Variants in RBM33 observed in about 807,000 individuals in gnomAD.
The protein encoded by RBM33 is RNA binding motif protein 33.
Under a neutral mutation model 132.6 loss-of-function variants are expected in RBM33, and 28 were observed. The ratio of observed to expected loss-of-function variants is 0.21; its 90% CI spans 0.16 to 0.29. The LOEUF (loss-of-function observed/expected upper bound fraction) is 0.29. RBM33 is among the 10% of genes least tolerant of loss of function. The pLI is 1.00. For synonymous variants in RBM33, 634 were observed against 593.0 expected (o/e 1.07, Z -1.01); for missense variants, 1,291 against 1,518.5 (o/e 0.85, Z 2.49).
At chr7:155,686,050 T>TTG (rs1799468920) in intron 5 of RBM33, among the ~76,000 whole-genome samples, 1 of 152,156 alleles carries the variant, frequency 6.6e-6, no homozygotes, top group Admixed American at 6.6e-5. Context: ...AAATTTGATT[T>TTG]TGTGTGTGTG....
At chr7:155,665,830 G>A (rs1008766778) in intron 2 of RBM33, among the ~76,000 whole-genome samples, 9 of 152,198 alleles carry the variant, frequency 5.9e-5, no homozygotes, top group African/African-American at 2.2e-4. Flanking sequence ...TTAGAGATGT[G>A]TTCTGGGAGA....
At chr7:155,716,313 G>T (rs542020704) in intron 8 of RBM33, among the ~76,000 whole-genome samples, 2 of 44,792 alleles carry the variant, frequency 4.5e-5, no homozygotes, top group African/African-American at 1.3e-4. Context: ...TTCCTTTTCT[G>T]CTGTTTTTTT....
intron 13 of RBM33, among the ~76,000 whole-genome samples, chr7:155,742,550 C>A (rs1233134152): frequency 6.6e-6 from 1 of 152,172 alleles, no homozygotes; most frequent in East Asian, 1.9e-4. Context: ...CCGGACTCAG[C>A]CTGTGGGGTG....
At position 155,772,985 on chromosome 7, in the gene RBM33, C is replaced by A. The variant is rs193161931; in HGVS notation, c.3376-1574C>A. 1.4e-3 allele frequency among the ~76,000 whole-genome samples: 211 copies of A among 152,344 alleles called. 4 individuals carry two copies. The highest frequency in any genetic ancestry group is 4.8e-3 in the African/African-American group (201 of 41,578). ...AAATGGAGAGCAGTTATTTCATATA[C>A]AGTGTAACTTTTTAAAACACTTTCC... is the stretch of plus-strand genomic sequence containing the variant. On this transcript the variant is annotated intron_variant, in intron 16 of 17. Transcript: ENST00000401878.
chr7:155,730,202 G>A (rs1026162043), intron 9 of RBM33, among the ~76,000 whole-genome samples: 3 of 152,228 alleles, frequency 2.0e-5, no homozygotes, highest in African/African-American at 7.2e-5. Flanking sequence ...GCAGAGAGAA[G>A]TGGAAGTGGA....
intron 5 of RBM33, among the ~76,000 whole-genome samples, chr7:155,699,875 A>G (rs1385946427): frequency 6.6e-6 from 1 of 152,222 alleles, no homozygotes; most frequent in Admixed American, 6.5e-5. Flanking sequence ...ACATATTACA[A>G]ATCATGAGAC....
At chr7:155,646,436 TG>T (rs1441726669) in intron 1 of RBM33, among the ~76,000 whole-genome samples, 1 of 152,252 alleles carries the variant, frequency 6.6e-6, no homozygotes, top group African/African-American at 2.4e-5. Context: ...CCTTCCATTT[TG>T]TCACAAGTGC....
At chr7:155,702,225 T>A (rs1799986540) in intron 6 of RBM33, among the ~76,000 whole-genome samples, 1 of 152,222 alleles carries the variant, frequency 6.6e-6, no homozygotes, top group East Asian at 1.9e-4. Context: ...AGCCTGTATC[T>A]TTAAGTAGCA....
intron 3 of RBM33, among the ~76,000 whole-genome samples, chr7:155,675,551 G>A (rs1799159721): frequency 6.6e-6 from 1 of 152,030 alleles, no homozygotes; most frequent in African/African-American, 2.4e-5. Flanking sequence ...CACAAAAGAG[G>A]AGAGGGCAGT....
intron 5 of RBM33, among the ~76,000 whole-genome samples, chr7:155,682,056 G>A (rs57602095): frequency 0.025 from 3,767 of 152,050 alleles, 145 homozygotes; most frequent in African/African-American, 0.085. Context: ...GAGTAGCTGA[G>A]ATTACAGGCG....
intron 7 of RBM33, among the ~76,000 whole-genome samples, chr7:155,710,797 A>T (rs1476640635): frequency 6.6e-6 from 1 of 152,058 alleles, no homozygotes; most frequent in Non-Finnish European, 1.5e-5. Context: ...CTTGCTTACC[A>T]GAGTTCCTGG....
chr7:155,701,003 A>C, intron 6 of RBM33, 59 bp downstream of exon 6: 1 of 1,386,680 alleles, frequency 7.2e-7, no homozygotes, highest in Non-Finnish European at 1.0e-6. Flanking sequence ...CCTCCATAGT[A>C]TTGCTGTAAT....
At chr7:155,722,876 T>C (rs1800668658) in intron 9 of RBM33, among the ~76,000 whole-genome samples, 1 of 152,226 alleles carries the variant, frequency 6.6e-6, no homozygotes, top group Admixed American at 6.5e-5. Context: ...TACATTGGTG[T>C]TTCGGGCAAA....
At chr7:155,686,586 C>T (rs1047851364) in intron 5 of RBM33, among the ~76,000 whole-genome samples, 2 of 151,764 alleles carry the variant, frequency 1.3e-5, no homozygotes, top group Non-Finnish European at 2.9e-5. Context: ...CCCATTAACT[C>T]GTCGTTTACA....
At chr7:155,658,632 C>T (rs1384267816) in intron 1 of RBM33, among the ~76,000 whole-genome samples, 1 of 152,134 alleles carries the variant, frequency 6.6e-6, no homozygotes, top group African/African-American at 2.4e-5. Context: ...AACTCCTGAC[C>T]TCATGATCCA....
intron 8 of RBM33, among the ~76,000 whole-genome samples, chr7:155,712,544 G>A (rs746243122): frequency 6.6e-6 from 1 of 152,312 alleles, no homozygotes; most frequent in Non-Finnish European, 1.5e-5. Flanking sequence ...AGCAGGATGC[G>A]GGGAAGGGAT....
intron 14 of RBM33, among the ~76,000 whole-genome samples, chr7:155,754,637 C>A (rs1801788973): frequency 6.6e-6 from 1 of 152,224 alleles, no homozygotes; most frequent in Non-Finnish European, 1.5e-5. Flanking sequence ...TGGTTTGTTC[C>A]TTCAAAGGTC....
At chr7:155,734,705 G>A (rs894036610) in intron 9 of RBM33, among the ~76,000 whole-genome samples, 1 of 151,940 alleles carries the variant, frequency 6.6e-6, no homozygotes, top group African/African-American at 2.4e-5. Flanking sequence ...CTCCTCCCCC[G>A]AAATAAGTGT....
intron 16 of RBM33, chr7:155,767,024 T>C: frequency 4.4e-6 from 1 of 226,944 alleles, no homozygotes; most frequent in Non-Finnish European, 8.6e-6. Flanking sequence ...TTTAGCCTTC[T>C]TTTCCTTGCT....
Sources: gnomAD v4.1 joint callset for allele counts (sites outside exome capture counted in the v4.1 genomes callset) on GRCh38, gnomAD v4.1.1 for gene constraint, MANE v1.5 for transcripts, NCBI Gene and HGNC (gene_info 2026-07-23, HGNC 2026-07-21) for gene names.